Variants in LRRC43 observed in about 807,000 individuals in gnomAD.
The protein encoded by LRRC43 is leucine rich repeat containing 43.
A neutral mutation model predicts 64.3 loss-of-function variants in LRRC43; 62 were observed. The ratio of observed to expected loss-of-function variants is 0.96; its 90% CI spans 0.79 to 1.19. The LOEUF (loss-of-function observed/expected upper bound fraction) is 1.19. Among genes scored for constraint, LRRC43 ranks in the 50% most tolerant of loss-of-function variants. The pLI is 0.00. For synonymous variants in LRRC43, 422 were observed against 382.3 expected, an observed-to-expected ratio of 1.10 and a Z score of -1.21; for missense variants, 868 against 845.0, an observed-to-expected ratio of 1.03 and a Z score of -0.34.
chr12:122,178,113 C>A (rs1329661416), intron 1 of LRRC43, among the ~76,000 whole-genome samples: 4 of 151,858 alleles, frequency 2.6e-5, no homozygotes, highest in Non-Finnish European at 5.9e-5. Context: ...GCTAGGATTA[C>A]AAGTGGGAGC....
Position 122,184,480 on chromosome 12 carries a change from G to A in LRRC43, c.151-39G>A, listed in dbSNP as rs780102378. On this transcript the variant is annotated intron_variant, in intron 1 of 11. Transcript: ENST00000339777. The surrounding 1 kb of genome is among the most constrained non-coding windows in gnomAD (Gnocchi z 4.0). The stretch of plus-strand genomic sequence containing the variant: ...AGAGTTTGGTGTCCTTAAGGGGGCT[G>A]TGTCACACCTACAGAAAATCCCTCC... The A allele has an allele frequency of 5.0e-6, 8 of 1,604,442 alleles. No individual in the cohort carries two copies. Among genetic ancestry groups the A allele is most frequent in the Non-Finnish European group, 6.0e-6 (7 of 1,175,070 alleles).
rs1431225922 is a variant in LRRC43, at chr12:122,200,531, G to T, written c.1492-1G>T. 1.9e-6 allele frequency: 3 copies of T among 1,614,000 alleles called. No homozygotes were observed. In the African/African-American group the frequency reaches 4.0e-5, roughly 22 times the overall value. ...ACTCGAGGATTCTCTCCTGCCCCTA[G>T]ATTCTCTCCTGGCCTGTGGTGCTAC... On this transcript the variant is annotated splice_acceptor_variant, in intron 8 of 11. Transcript: ENST00000339777. LOFTEE classifies it high-confidence loss of function. This position sits in a 1 kb window ranked among gnomAD's most constrained non-coding sequence, Gnocchi z 4.6.
intron 4 of LRRC43, 160 bp from the exon 5 acceptor site, chr12:122,189,970 T>C (rs11615010): frequency 3.2e-4 from 222 of 695,532 alleles, no homozygotes; most frequent in Middle Eastern, 7.4e-4. Context: ...AGGCACTCGT[T>C]CCCGACCCGG....
intron 3 of LRRC43, among the ~76,000 whole-genome samples, chr12:122,187,103 T>G (rs980342939): frequency 6.7e-6 from 1 of 148,684 alleles, no homozygotes; most frequent in African/African-American, 2.5e-5. Context: ...TCGTGGCTGG[T>G]GCCTGTAATA....
chr12:122,173,683 CAAA>C (rs374308237), intron 1 of LRRC43, among the ~76,000 whole-genome samples: 3 of 98,480 alleles, frequency 3.0e-5, no homozygotes, highest in Non-Finnish European at 4.3e-5. Context: ...GACTCTGTCT[CAAA>C]AAAAAAAAAA....
chr12:122,182,016 A>T (rs1174116971), upstream of LRRC43, among the ~76,000 whole-genome samples: 1 of 152,162 alleles, frequency 6.6e-6, no homozygotes, highest in Non-Finnish European at 1.5e-5. Flanking sequence ...GCCCAGTGTG[A>T]TAGTATTAAA....
At chr12:122,177,248 C>T (rs890928413) in intron 1 of LRRC43, among the ~76,000 whole-genome samples, 1 of 152,054 alleles carries the variant, frequency 6.6e-6, no homozygotes, top group Non-Finnish European at 1.5e-5. Context: ...AGATTACGAG[C>T]AAGAGAAGGG....
chr12:122,174,227 G>A (rs1167684758), intron 1 of LRRC43: 5 of 1,608,258 alleles, frequency 3.1e-6, no homozygotes, highest in African/African-American at 1.3e-5. Context: ...AGATGTGTTC[G>A]CCATGGCTGC....
At chr12:122,175,178 C>CT (rs1284137195) in intron 1 of LRRC43, among the ~76,000 whole-genome samples, 10 of 148,880 alleles carry the variant, frequency 6.7e-5, no homozygotes, top group South Asian at 6.5e-4. Flanking sequence ...TTCTTTCTTT[C>CT]TTTTTTTTTG....
At chr12:122,183,463 G>T (rs1264318119) in intron 1 of LRRC43, among the ~76,000 whole-genome samples, 169 bp downstream of exon 1, 1 of 152,144 alleles carries the variant, frequency 6.6e-6, no homozygotes, top group Non-Finnish European at 1.5e-5. Flanking sequence ...CGAGTCGCGG[G>T]CACTGCGCGG....
At chr12:122,198,752 C>G (rs1338803022) in intron 7 of LRRC43, among the ~76,000 whole-genome samples, 1 of 140,770 alleles carries the variant, frequency 7.1e-6, no homozygotes, top group Non-Finnish European at 1.5e-5. Flanking sequence ...GCCTCAGCTT[C>G]CCAAGTAGCT....
chr12:122,203,444 G>A lies in LRRC43; in HGVS notation c.*2G>A. On this transcript the variant is annotated 3_prime_UTR_variant, in exon 12 of 12. Transcript: ENST00000339777. The stretch of plus-strand genomic sequence containing the variant: ...GCTCTGCGCATGTTCGCCGTGTAGG[G>A]CGTGGGCAGTAAAGGCTGTTCCCAG... 1 of 1,609,460 alleles carries A rather than the reference G, an allele frequency of 6.2e-7. No homozygotes were observed. The highest frequency in any genetic ancestry group is 1.7e-4 in the Middle Eastern group (1 of 6,050).
intron 1 of LRRC43, among the ~76,000 whole-genome samples, chr12:122,177,417 G>A (rs943320026): frequency 6.6e-6 from 1 of 151,986 alleles, no homozygotes; most frequent in Admixed American, 6.6e-5. Context: ...GTGAGTTCCT[G>A]AGCAAAGAAT....
At position 122,184,513 on chromosome 12, in the gene LRRC43, C is replaced by T; in HGVS notation, c.151-6C>T. Reference sequence around the variant, plus strand: ...CCTACAGAAAATCCCTCCTCTGCCACTGCAGAATAAGTCGCGCTTTCTTCC... The same window carrying T: ...CCTACAGAAAATCCCTCCTCTGCCATTGCAGAATAAGTCGCGCTTTCTTCC... On this transcript the variant is annotated splice_region_variant and splice_polypyrimidine_tract_variant and intron_variant, in intron 1 of 11. Coordinates refer to ENST00000339777, the MANE Select transcript of LRRC43 (RefSeq NM_001098519.2). This position sits in a 1 kb window ranked among gnomAD's most constrained non-coding sequence, Gnocchi z 4.0. 6.2e-7 allele frequency: 1 copy of T among 1,612,466 alleles called. No individual in the cohort carries two copies.
At chr12:122,185,476 CAA>C (rs1280566203) in intron 2 of LRRC43, among the ~76,000 whole-genome samples, 1 of 152,074 alleles carries the variant, frequency 6.6e-6, no homozygotes, top group Non-Finnish European at 1.5e-5. Context: ...CTGTCTCAAT[CAA>C]TTAAGCAAGC....
In LRRC43 at chr12:122,190,155, G is replaced by A. The variant is rs1248082996; in HGVS notation, c.688G>A (p.Gly230Ser). Residue 230 changes from glycine (G) to serine (S), a missense_variant, in exon 5 of 12, where the codon GGC (glycine) becomes AGC (serine). Coordinates refer to ENST00000339777, the MANE Select transcript of LRRC43 (RefSeq NM_001098519.2). ...HWPNLVSLDLGFNDLTDLQSM... is the reference protein window; with the variant it reads ...HWPNLVSLDLSFNDLTDLQSM... Reference sequence around the variant, plus strand: ...GCCCAACCTCGTCTCCCTGGACCTGGGCTTCAACGACCTGACAGACCTGCA... The same window carrying A: ...GCCCAACCTCGTCTCCCTGGACCTGAGCTTCAACGACCTGACAGACCTGCA... The A allele has an allele frequency of 6.2e-7, 1 of 1,614,064 alleles. No individual in the cohort carries two copies. Among genetic ancestry groups the A allele is most frequent in the Admixed American group, 1.7e-5 (1 of 59,992 alleles).
At chr12:122,196,055 C>T (rs1953770223) in intron 7 of LRRC43, among the ~76,000 whole-genome samples, 1 of 152,158 alleles carries the variant, frequency 6.6e-6, no homozygotes, top group Non-Finnish European at 1.5e-5. Flanking sequence ...TAATGTGGCA[C>T]TAAGCTCATT....
chr12:122,183,943 G>A (rs946171796), intron 1 of LRRC43, among the ~76,000 whole-genome samples: 6 of 152,050 alleles, frequency 3.9e-5, no homozygotes, highest in Non-Finnish European at 8.8e-5. Flanking sequence ...ATTTCACCAT[G>A]TTGCCCAGGC....
intron 5 of LRRC43, among the ~76,000 whole-genome samples, chr12:122,190,614 G>C (rs535202639): frequency 6.6e-6 from 1 of 152,184 alleles, no homozygotes; most frequent in South Asian, 2.1e-4. Context: ...TGTAATCCCA[G>C]CATTTTGGGA....
Sources: gnomAD v4.1 joint callset for allele counts (sites outside exome capture counted in the v4.1 genomes callset) on GRCh38, gnomAD v4.1.1 for gene constraint, Gnocchi (gnomAD v3.1) non-coding constraint, MANE v1.5 for transcripts, NCBI Gene and HGNC (gene_info 2026-07-23, HGNC 2026-07-21) for gene names.